OLFM1: variants seen among roughly 807,000 people sequenced by gnomAD.
OLFM1 encodes olfactomedin 1.
A neutral mutation model predicts 49.7 loss-of-function variants in OLFM1; 9 were observed. The observed-to-expected ratio is 0.18, with a 90% CI of 0.11 to 0.32. The LOEUF is 0.32. OLFM1 is among the 10% of genes least tolerant of loss of function. The pLI, the probability that OLFM1 is intolerant of heterozygous loss-of-function variation, is 1.00. For synonymous variants in OLFM1, 240 were observed against 271.8 expected, an observed-to-expected ratio of 0.88 and a Z score of 1.15; for missense variants, 369 against 661.8, an observed-to-expected ratio of 0.56 and a Z score of 4.85.
chr9:135,096,979 C>T (rs888302027), intron 3 of OLFM1, among the ~76,000 whole-genome samples: 2 of 152,126 alleles, frequency 1.3e-5, no homozygotes, highest in African/African-American at 2.4e-5. Context: ...CAGTGCGATT[C>T]GACTGAAACG....
In OLFM1 at chr9:135,098,288, G is replaced by A. The variant is rs765337397; in HGVS notation, c.459G>A (p.Ala153=). 1.6e-5 allele frequency: 26 copies of A among 1,613,356 alleles called. No homozygotes were observed. Among genetic ancestry groups the A allele is most frequent in the Non-Finnish European group, 2.2e-5 (26 of 1,179,822 alleles). The change falls in exon 4 of 6, where the codon GCG becomes GCA. Residue 153 remains alanine (A), a splice_region_variant and synonymous_variant. Transcript: ENST00000371793. The surrounding 1 kb of genome is among the most constrained non-coding windows in gnomAD (Gnocchi z 5.6). ...HKQHLARQFK[A]IKAKMDELRP... ...ACCAGCTTATTTTAACCTTGCAGGCGATAAAAGCGAAAATGGATGAACTTA... is the reference window on the plus strand; with the variant it reads ...ACCAGCTTATTTTAACCTTGCAGGCAATAAAAGCGAAAATGGATGAACTTA...
intron 1 of OLFM1, among the ~76,000 whole-genome samples, chr9:135,081,931 T>C (rs1830537901): frequency 6.6e-6 from 1 of 152,192 alleles, no homozygotes; most frequent in Admixed American, 6.5e-5. Flanking sequence ...CTGGAGGGGC[T>C]GCCATGGAGA....
Position 135,088,070 on chromosome 9 carries a change from C to A in OLFM1, c.81C>A (p.Pro27=). The A allele has an allele frequency of 6.9e-7, 1 of 1,450,082 alleles. No homozygotes were observed. The highest frequency in any genetic ancestry group is 9.2e-7 in the Non-Finnish European group (1 of 1,089,246). 89.8% of individuals were successfully genotyped at this position (1,450,082 alleles called of 1,614,324 possible). Reference sequence around the variant, plus strand: ...CTAACTGGATGTCCCAGACGCTGCCCTCGCTGGTGGGCCTCAACACCACCA... The same window carrying A: ...CTAACTGGATGTCCCAGACGCTGCCATCGCTGGTGGGCCTCAACACCACCA... ...MITNWMSQTL[P]SLVGLNTTKL... is the part of the protein sequence containing the mutation. Residue 27 remains proline (P), a synonymous_variant, in exon 1 of 6, where the codon CCC becomes CCA. Transcript: ENST00000371793. This position sits in a 1 kb window ranked among gnomAD's most constrained non-coding sequence, Gnocchi z 4.8.
chr9:135,091,556 C>T (rs1830689931), intron 2 of OLFM1, among the ~76,000 whole-genome samples: 1 of 87,450 alleles, frequency 1.1e-5, no homozygotes, highest in Non-Finnish European at 2.5e-5. Flanking sequence ...GTCACACACT[C>T]ATAGTCACAC....
chr9:135,090,647 C>T (rs1239882573), intron 2 of OLFM1, among the ~76,000 whole-genome samples: 1 of 152,082 alleles, frequency 6.6e-6, no homozygotes. Context: ...CCCCTGTCAC[C>T]ACAGGCTCCA....
Position 135,120,722 on chromosome 9 carries a change from G to A in OLFM1, c.*544G>A, listed in dbSNP as rs1739299892. ...GGACCTGTGTCTAGTACATACTGAA[G>A]CGATGGTCAGAGTGTGTAGAGTGAA... is the stretch of plus-strand genomic sequence containing the variant. On this transcript the variant is annotated 3_prime_UTR_variant, in exon 6 of 6. Coordinates refer to ENST00000371793, the MANE Select transcript of OLFM1 (RefSeq NM_001282611.2). 6.4e-6 allele frequency: 1 copy of A among 157,230 alleles called. No individual in the cohort carries two copies. The highest frequency in any genetic ancestry group is 2.4e-5 in the African/African-American group (1 of 41,466). 9.7% of individuals were successfully genotyped at this position (157,230 alleles called of 1,614,324 possible).
chr9:135,114,212 C>T (rs1831064667), intron 5 of OLFM1, among the ~76,000 whole-genome samples: 1 of 137,266 alleles, frequency 7.3e-6, no homozygotes. Flanking sequence ...GCGATCTCGG[C>T]TCACTGCAAG....
upstream of OLFM1, among the ~76,000 whole-genome samples, chr9:135,083,084 C>T (rs1830552373): frequency 6.6e-6 from 1 of 152,206 alleles, no homozygotes; most frequent in Non-Finnish European, 1.5e-5. Context: ...GGATCAATGA[C>T]TGATTCCACA....
chr9:135,107,009 C>T (rs759508274), intron 5 of OLFM1, among the ~76,000 whole-genome samples, 154 bp downstream of exon 5: 19 of 152,164 alleles, frequency 1.2e-4, no homozygotes, highest in South Asian at 2.1e-4. Flanking sequence ...GGAAGACTTT[C>T]GGGAGGGACC....
rs74883023 is a variant in OLFM1, at chr9:135,119,641, C to T, written c.921C>T (p.Asn307=). 840 of 1,614,182 alleles carry T rather than the reference C, an allele frequency of 5.2e-4. 10 individuals are homozygous for T. The East Asian group carries it at 0.014, about 27-fold the overall frequency. Residue 307 remains asparagine (N), a synonymous_variant, in exon 6 of 6, where the codon AAC becomes AAT. Transcript: ENST00000371793. ...CGGGCACGGGGCAGGTGGTCTACAA[C>T]GGTTCTATCTACTTCAACAAGTTCC... ...PWSGTGQVVY[N]GSIYFNKFQS... is the part of the protein sequence containing the mutation.
At chr9:135,087,101 G>A (rs1460332169), upstream of OLFM1, among the ~76,000 whole-genome samples, 2 of 152,228 alleles carry the variant, frequency 1.3e-5, no homozygotes, top group African/African-American at 2.4e-5. Flanking sequence ...CAAGGCCTTA[G>A]GGCACCGCGG....
At chr9:135,118,480 A>AGTGC (rs1166205098) in intron 5 of OLFM1, among the ~76,000 whole-genome samples, 1 of 142,098 alleles carries the variant, frequency 7.0e-6, no homozygotes, top group Non-Finnish European at 1.5e-5. Flanking sequence ...GGGTCTTTGG[A>AGTGC]GTGCTCACTG....
chr9:135,093,578 G>C (rs574572644), intron 2 of OLFM1, among the ~76,000 whole-genome samples: 3 of 152,330 alleles, frequency 2.0e-5, no homozygotes, highest in African/African-American at 7.2e-5. Flanking sequence ...GTGTGTCTTT[G>C]TGTGTTGCTG....
upstream of OLFM1, chr9:135,087,162 C>G (rs1397060377): frequency 2.3e-6 from 3 of 1,299,404 alleles, no homozygotes; most frequent in East Asian, 2.9e-5. Context: ...TGCCCCGACG[C>G]CCCCCTGGCG....
chr9:135,089,207 C>A (rs60164609), intron 1 of OLFM1, among the ~76,000 whole-genome samples: 9 of 152,234 alleles, frequency 5.9e-5, no homozygotes, highest in Admixed American at 1.3e-4. Flanking sequence ...TTTGTTCCGG[C>A]CTGCCGGTCC....
chr9:135,119,340 G>A (rs1238066470), intron 5 of OLFM1, among the ~76,000 whole-genome samples, 164 bp from the exon 6 acceptor site: 1 of 148,554 alleles, frequency 6.7e-6, no homozygotes, highest in Non-Finnish European at 1.5e-5. Flanking sequence ...AGTGCTCACG[G>A]GGTCTTTGGA....
chr9:135,108,404 C>T (rs1490748960), intron 5 of OLFM1, among the ~76,000 whole-genome samples: 1 of 152,064 alleles, frequency 6.6e-6, no homozygotes, highest in Non-Finnish European at 1.5e-5. Flanking sequence ...GAGGCTGAGG[C>T]GGGCGGATCA....
At chr9:135,102,431 A>T (rs1345947219) in intron 4 of OLFM1, among the ~76,000 whole-genome samples, 1 of 152,206 alleles carries the variant, frequency 6.6e-6, no homozygotes, top group African/African-American at 2.4e-5. Context: ...GTGACAGGGG[A>T]GGAAATAAAC....
chr9:135,098,020 G>C lies in OLFM1; in HGVS notation c.457-266G>C. ...GTCAATGCATTTTTTGAAAAAGAAA[G>C]AAAAAAAAAACTTCGTGTATGTGAC... On this transcript the variant is annotated intron_variant, in intron 3 of 5. Coordinates refer to ENST00000371793, the MANE Select transcript of OLFM1 (RefSeq NM_001282611.2). This position sits in a 1 kb window ranked among gnomAD's most constrained non-coding sequence, Gnocchi z 5.6. 1 of 1,293,644 alleles carries C rather than the reference G, an allele frequency of 7.7e-7. No homozygotes were observed. 80.1% of individuals were successfully genotyped at this position (1,293,644 alleles called of 1,614,324 possible).
Sources: allele counts gnomAD v4.1 joint callset (sites outside exome capture counted in the v4.1 genomes callset), GRCh38; gene constraint gnomAD v4.1.1; non-coding constraint Gnocchi (gnomAD v3.1); transcripts MANE v1.5; gene names NCBI Gene and HGNC (gene_info 2026-07-23, HGNC 2026-07-21).